Variants in MAP4K3 observed in about 807,000 individuals in gnomAD.
MAP4K3 encodes the protein MAPK/ERK kinase kinase kinase 3.
MAP4K3 carries 94 observed loss-of-function variants against 143.5 expected under a neutral mutation model. The observed-to-expected ratio is 0.65, with a 90% CI of 0.55 to 0.78. The LOEUF (loss-of-function observed/expected upper bound fraction) is 0.78, where lower values mean the gene tolerates loss of function less well. MAP4K3 is among the 30% of genes least tolerant of loss of function. The pLI is 0.00. For synonymous variants in MAP4K3, 416 were observed against 347.2 expected (o/e 1.20, Z -2.20); for missense variants, 1,077 against 1,068.1 (o/e 1.01, Z -0.12).
chr2:39,437,071 G>T lies in MAP4K3; in HGVS notation c.-84C>A. ...GGCCACACGGAGAGAGGGCGCCGCGGCCGGCTCCCGGCTCCCCCGGCGGTC... is the reference window on the plus strand; with the variant it reads ...GGCCACACGGAGAGAGGGCGCCGCGTCCGGCTCCCGGCTCCCCCGGCGGTC... On this transcript the variant is annotated 5_prime_UTR_variant, in exon 1 of 34. Transcript: ENST00000263881. The T allele has an allele frequency of 2.0e-6, 2 of 1,021,496 alleles. No individual in the cohort carries two copies. Among genetic ancestry groups the T allele is most frequent in the Non-Finnish European group, 2.7e-6 (2 of 727,436 alleles). The allele number at this position is 1,021,496 out of a possible 1,614,324, so 63.3% of individuals were successfully genotyped here. A position where few individuals can be genotyped will look rare whatever the true frequency, so the allele number is the denominator to read the frequency against.
intron 1 of MAP4K3, among the ~76,000 whole-genome samples, chr2:39,431,405 C>T (rs1408754624): frequency 2.6e-5 from 4 of 152,116 alleles, no homozygotes; most frequent in African/African-American, 7.2e-5. Flanking sequence ...TAAAGATTCA[C>T]TTTCATACCT....
chr2:39,362,408 A>T (rs1665795932), intron 2 of MAP4K3, among the ~76,000 whole-genome samples: 1 of 152,218 alleles, frequency 6.6e-6, no homozygotes. Flanking sequence ...ATACAAAGTC[A>T]AATGCATTTA....
At chr2:39,350,791 C>T (rs1206873489) in intron 3 of MAP4K3, among the ~76,000 whole-genome samples, 1 of 152,086 alleles carries the variant, frequency 6.6e-6, no homozygotes, top group African/African-American at 2.4e-5. Context: ...ATGCTCAGTC[C>T]CTTAGGTCCT....
intron 6 of MAP4K3, among the ~76,000 whole-genome samples, chr2:39,335,994 A>G (rs1044069795): frequency 1.3e-5 from 2 of 152,140 alleles, no homozygotes; most frequent in African/African-American, 4.8e-5. Flanking sequence ...GAAGAGAGAA[A>G]TATGAGGAAG....
chr2:39,387,037 C>T (rs1666524601), intron 1 of MAP4K3, among the ~76,000 whole-genome samples: 1 of 152,166 alleles, frequency 6.6e-6, no homozygotes, highest in East Asian at 1.9e-4. Flanking sequence ...TCATCGCCAA[C>T]TCCTGACCTC....
intron 15 of MAP4K3, among the ~76,000 whole-genome samples, chr2:39,300,607 A>G (rs1682469105): frequency 6.6e-6 from 1 of 152,186 alleles, no homozygotes; most frequent in Admixed American, 6.5e-5. Context: ...ATTAAGGGGG[A>G]ATATTTGACA....
chr2:39,389,272 A>G (rs1416919724), intron 1 of MAP4K3, among the ~76,000 whole-genome samples: 1 of 152,144 alleles, frequency 6.6e-6, no homozygotes, highest in Non-Finnish European at 1.5e-5. Context: ...GCAGATCTGA[A>G]GCAGCAAAGA....
At chr2:39,368,784 G>A (rs540641137) in intron 2 of MAP4K3, among the ~76,000 whole-genome samples, 13 of 152,226 alleles carry the variant, frequency 8.5e-5, no homozygotes, top group African/African-American at 3.1e-4. Context: ...CTGATTTAAA[G>A]ATAATTTTTT....
chr2:39,251,941 T>C (rs1680169231), intron 32 of MAP4K3, 56 bp from the exon 33 acceptor site: 3 of 1,119,616 alleles, frequency 2.7e-6, no homozygotes, highest in South Asian at 2.5e-5. Context: ...AAATTTTTAA[T>C]GGGCACTTCA....
At chr2:39,334,940 T>C (rs1432871273) in intron 6 of MAP4K3, among the ~76,000 whole-genome samples, 2 of 152,112 alleles carry the variant, frequency 1.3e-5, no homozygotes, top group African/African-American at 4.8e-5. Context: ...GGCAGTAATA[T>C]ATGAGCAGAG....
chr2:39,432,275 A>G lies in MAP4K3; in HGVS notation c.96+4617T>C, dbSNP rs531919553. On this transcript the variant is annotated intron_variant, in intron 1 of 33. Transcript: ENST00000263881. ...ACCAATAAATACATATACAGATCAAAGGCTGGAGGTAAGTACTTCCTTTAG... is the reference window on the plus strand; with the variant it reads ...ACCAATAAATACATATACAGATCAAGGGCTGGAGGTAAGTACTTCCTTTAG... Among the ~76,000 whole-genome samples the G allele has an allele frequency of 1.7e-4, 26 of 152,370 alleles. No individual in the cohort carries two copies. The South Asian group carries it at 3.5e-3, about 21-fold the overall frequency.
chr2:39,348,026 C>G (rs947872306), intron 3 of MAP4K3, among the ~76,000 whole-genome samples: 1 of 151,986 alleles, frequency 6.6e-6, no homozygotes, highest in Non-Finnish European at 1.5e-5. Flanking sequence ...ATCACATTTG[C>G]TGAACTTTCA....
At chr2:39,363,944 G>A (rs1228854781) in intron 2 of MAP4K3, among the ~76,000 whole-genome samples, 1 of 141,750 alleles carries the variant, frequency 7.1e-6, no homozygotes, top group African/African-American at 2.6e-5. Flanking sequence ...TCAGGGAAAT[G>A]CAAATCAAAA....
intron 22 of MAP4K3, among the ~76,000 whole-genome samples, chr2:39,281,711 C>T (rs1328428249): frequency 1.3e-5 from 2 of 151,690 alleles, no homozygotes; most frequent in African/African-American, 4.8e-5. Context: ...AAAATCTGCC[C>T]TATTTTATGT....
chr2:39,396,716 G>A (rs138988085), intron 1 of MAP4K3, among the ~76,000 whole-genome samples: 7,264 of 151,950 alleles, frequency 0.048, 180 homozygotes, highest in Middle Eastern at 0.12. Context: ...CTTGTGATCC[G>A]CCCGCCTCGG....
In MAP4K3 at chr2:39,392,183, CAAAA is replaced by C. The variant is rs3086434; in HGVS notation, c.97-14064_97-14061del. ...CTGGCAACAGAACGACACTCCTACT[CAAAA>C]AAAAAAAAAAAAAAAAAATTACAGT... On this transcript the variant is annotated intron_variant, in intron 1 of 33. Transcript: ENST00000263881. 4.8e-3 allele frequency among the ~76,000 whole-genome samples: 333 copies of C among 69,038 alleles called. 1 individual carries two copies. The highest frequency in any genetic ancestry group is 0.017 in the African/African-American group (305 of 17,430). 45.3% of individuals were successfully genotyped at this position (69,038 alleles called of 152,430 possible). A position where few individuals can be genotyped will look rare whatever the true frequency, so the allele number is the denominator to read the frequency against.
At chr2:39,376,548 G>A (rs1666224032) in intron 2 of MAP4K3, among the ~76,000 whole-genome samples, 1 of 152,152 alleles carries the variant, frequency 6.6e-6, no homozygotes, top group African/African-American at 2.4e-5. Flanking sequence ...ATTTTAAGAT[G>A]TACAGAATGA....
chr2:39,348,184 G>C (rs1248293227), intron 3 of MAP4K3, among the ~76,000 whole-genome samples: 1 of 151,744 alleles, frequency 6.6e-6, no homozygotes, highest in Non-Finnish European at 1.5e-5. Context: ...AATTTTCCTT[G>C]CTAGAGAAAA....
At chr2:39,266,062 CAG>C (rs1218007233) in intron 27 of MAP4K3, among the ~76,000 whole-genome samples, 2 of 152,156 alleles carry the variant, frequency 1.3e-5, no homozygotes, top group African/African-American at 4.8e-5. Flanking sequence ...CCAAAGAAAA[CAG>C]AGAAGTCTAT....
Sources: gnomAD v4.1 joint callset for allele counts (sites outside exome capture counted in the v4.1 genomes callset) on GRCh38, gnomAD v4.1.1 for gene constraint, MANE v1.5 for transcripts, NCBI Gene and HGNC (gene_info 2026-07-23, HGNC 2026-07-21) for gene names.